XCL1: variants seen among roughly 807,000 people sequenced by gnomAD.
The protein encoded by XCL1 is X-C motif chemokine ligand 1.
In XCL1, 6 loss-of-function variants were observed where a neutral mutation model predicts 7.4. That is an observed-to-expected ratio of 0.82 (90% CI 0.45 to 1.61). The LOEUF (loss-of-function observed/expected upper bound fraction) is 1.61, where lower values mean the gene tolerates loss of function less well. XCL1 is among the 40% of genes most tolerant of loss of function. The pLI, the probability that XCL1 is intolerant of heterozygous loss-of-function variation, is 0.01. For synonymous variants in XCL1, 48 were observed against 52.4 expected, an observed-to-expected ratio of 0.92 and a Z score of 0.36; for missense variants, 122 against 138.2, an observed-to-expected ratio of 0.88 and a Z score of 0.59.
chr1:168,577,958 G>C (rs1655064187), intron 1 of XCL1, among the ~76,000 whole-genome samples: 1 of 152,152 alleles, frequency 6.6e-6, no homozygotes, highest in South Asian at 2.1e-4. Context: ...CTGAGTGAAG[G>C]TGATATTTTA....
rs2101838058 is a variant in XCL1, at chr1:168,581,092, C to CA, written c.219dup (p.Ala74SerfsTer20). On this transcript the variant is annotated frameshift_variant, in exon 3 of 3. Transcript: ENST00000367818. LOFTEE classifies it low-confidence loss of function (END_TRUNC). ...TGGCCTAAAAGTCTGTGCTGATCCA[C>CA]AAGCCACATGGGTGAGAGACGTGGT... 6.2e-7 allele frequency: 1 copy of CA among 1,613,800 alleles called. No homozygotes were observed. Among genetic ancestry groups the CA allele is most frequent in the East Asian group, 2.2e-5 (1 of 44,886 alleles).
intron 1 of XCL1, among the ~76,000 whole-genome samples, chr1:168,577,348 T>A (rs1655047618): frequency 1.3e-5 from 2 of 152,182 alleles, no homozygotes; most frequent in Admixed American, 6.5e-5. Flanking sequence ...ACTATTACTA[T>A]TTATGAGAAA....
chr1:168,581,248 G>A lies in XCL1; in HGVS notation c.*28G>A. The A allele has an allele frequency of 6.2e-7, 1 of 1,609,852 alleles. No homozygotes were observed. Among genetic ancestry groups the A allele is most frequent in the South Asian group, 1.1e-5 (1 of 90,834 alleles). On this transcript the variant is annotated 3_prime_UTR_variant, in exon 3 of 3. Transcript: ENST00000367818. ...GTCTCTGGCACCCTGTCCGTCTCCAGCCAGCCAGCTCATTTCACTTTACAC... is the reference window on the plus strand; with the variant it reads ...GTCTCTGGCACCCTGTCCGTCTCCAACCAGCCAGCTCATTTCACTTTACAC...
rs759397615 is a variant in XCL1, at chr1:168,581,110, G to C, written c.235G>C (p.Asp79His). ...TGATCCACAAGCCACATGGGTGAGAGACGTGGTCAGGAGCATGGACAGGAA... is the reference window on the plus strand; with the variant it reads ...TGATCCACAAGCCACATGGGTGAGACACGTGGTCAGGAGCATGGACAGGAA... Reference protein sequence around the residue: ...CADPQATWVRDVVRSMDRKSN... With the variant: ...CADPQATWVRHVVRSMDRKSN... The change falls in exon 3 of 3, where the codon GAC becomes CAC. Residue 79 changes from aspartate to histidine, a missense_variant. Physicochemically the swap from Asp to His is moderately conservative, Grantham distance 81 (BLOSUM62 -1). Coordinates refer to ENST00000367818, the MANE Select transcript of XCL1 (RefSeq NM_002995.3). 1 of 1,613,744 alleles carries C rather than the reference G, an allele frequency of 6.2e-7. No individual in the cohort carries two copies. Among genetic ancestry groups the C allele is most frequent in the Non-Finnish European group, 8.5e-7 (1 of 1,179,800 alleles).
chr1:168,581,740 A>G lies in XCL1; in HGVS notation c.*520A>G, dbSNP rs1323049210. 6.6e-6 allele frequency: 1 copy of G among 152,220 alleles called. No individual in the cohort carries two copies. The highest frequency in any genetic ancestry group is 1.5e-5 in the Non-Finnish European group (1 of 68,054). The allele number at this position is 152,220 out of a possible 1,614,324, so 9.4% of individuals were successfully genotyped here. A position where few individuals can be genotyped will look rare whatever the true frequency, so the allele number is the denominator to read the frequency against. On this transcript the variant is annotated 3_prime_UTR_variant, in exon 3 of 3. Transcript: ENST00000367818. The stretch of plus-strand genomic sequence containing the variant: ...GGTCCACTACTCAAAAATTTGCTTC[A>G]CTCAATTTTTTTCACCTCTTTGTGT...
In XCL1 at chr1:168,580,105, T is replaced by G; in HGVS notation, c.104T>G (p.Leu35Arg). The stretch of plus-strand genomic sequence containing the variant: ...TCAGATAAGAGGACCTGTGTGAGCC[T>G]CACTACCCAGCGACTGCCGGTTAGC... ...EVSDKRTCVSLTTQRLPVSRI... is the reference protein window; with the variant it reads ...EVSDKRTCVSRTTQRLPVSRI... The change falls in exon 2 of 3, where the codon CTC becomes CGC. Residue 35 changes from leucine to arginine, a missense_variant. Coordinates refer to ENST00000367818, the MANE Select transcript of XCL1 (RefSeq NM_002995.3). The G allele has an allele frequency of 6.2e-7, 1 of 1,613,962 alleles. No individual in the cohort carries two copies. Among genetic ancestry groups the G allele is most frequent in the Non-Finnish European group, 8.5e-7 (1 of 1,179,858 alleles).
At chr1:168,576,842 T>C (rs1364805203) in intron 1 of XCL1, 144 bp downstream of exon 1, 3 of 1,052,290 alleles carry the variant, frequency 2.9e-6, no homozygotes, top group Admixed American at 2.2e-5. Context: ...AAAGGAATGA[T>C]GATTTTGACT....
intron 2 of XCL1, 54 bp downstream of exon 2, chr1:168,580,231 TACACTC>T (rs1486804965): frequency 6.3e-7 from 1 of 1,584,068 alleles, no homozygotes; most frequent in Non-Finnish European, 8.6e-7. Context: ...AGTATAGAAA[TACACTC>T]TGTAGAAATG....
chr1:168,578,725 T>A (rs1305065716), intron 1 of XCL1: 1 of 360,790 alleles, frequency 2.8e-6, no homozygotes, highest in Non-Finnish European at 5.2e-6. Context: ...GATTTTGGAC[T>A]CGGGACATTG....
In XCL1 at chr1:168,580,070, G is replaced by A; in HGVS notation, c.69G>A (p.Gly23=). ...TTTTTTTTTCCTCACCAGGTGTAGG[G>A]AGTGAAGTCTCAGATAAGAGGACCT... ...SLTAYIVEGV[G]SEVSDKRTCV... Residue 23 remains glycine (G), a synonymous_variant, in exon 2 of 3, where the codon GGG becomes GGA. Transcript: ENST00000367818. The A allele has an allele frequency of 1.2e-6, 2 of 1,613,024 alleles. No individual in the cohort carries two copies. The highest frequency in any genetic ancestry group is 1.7e-6 in the Non-Finnish European group (2 of 1,179,372).
chr1:168,578,110 C>T (rs949639483), intron 1 of XCL1, among the ~76,000 whole-genome samples: 14 of 152,036 alleles, frequency 9.2e-5, no homozygotes, highest in Non-Finnish European at 1.8e-4. Flanking sequence ...ATGAGAGAAA[C>T]AGAGAAAAAA....
In XCL1 at chr1:168,581,180, C is replaced by T; in HGVS notation, c.305C>T (p.Thr102Ile). Residue 102 changes from threonine (T) to isoleucine (I), a missense_variant, in exon 3 of 3, where the codon ACC becomes ATC. Coordinates refer to ENST00000367818, the MANE Select transcript of XCL1 (RefSeq NM_002995.3). ...ATGATCCAGACCAAGCCAACAGGAA[C>T]CCAGCAATCGACCAATACAGCTGTG... ...NNMIQTKPTG[T>I]QQSTNTAVTL... 2 of 1,613,792 alleles carry T rather than the reference C, an allele frequency of 1.2e-6. No homozygotes were observed. The highest frequency in any genetic ancestry group is 1.3e-5 in the African/African-American group (1 of 74,986).
Position 168,580,193 on chromosome 1 carries a change from C to T in XCL1, c.176+16C>T. On this transcript the variant is annotated intron_variant, in intron 2 of 2. Transcript: ENST00000367818. ...GAGCAGTAATGTGAGTCTGCCTCCTCAGAAGTTGTGCTGGGTGGGTATCTA... is the reference window on the plus strand; with the variant it reads ...GAGCAGTAATGTGAGTCTGCCTCCTTAGAAGTTGTGCTGGGTGGGTATCTA... 3 of 1,612,564 alleles carry T rather than the reference C, an allele frequency of 1.9e-6. No individual in the cohort carries two copies. The East Asian group carries it at 6.7e-5, about 36-fold the overall frequency.
In XCL1 at chr1:168,581,309, A is replaced by G. The variant is rs911978449; in HGVS notation, c.*89A>G. Reference sequence around the variant, plus strand: ...TGAGTTTATACTCACCTTTTATGAAAGCACTGCATGAATAAAATTATTCCT... The same window carrying G: ...TGAGTTTATACTCACCTTTTATGAAGGCACTGCATGAATAAAATTATTCCT... On this transcript the variant is annotated 3_prime_UTR_variant, in exon 3 of 3. Transcript: ENST00000367818. 19 of 1,482,704 alleles carry G rather than the reference A, an allele frequency of 1.3e-5. No homozygotes were observed. The Middle Eastern group carries it at 5.4e-4, about 42-fold the overall frequency. The allele number at this position is 1,482,704 out of a possible 1,614,324, so 91.8% of individuals were successfully genotyped here. A position where few individuals can be genotyped will look rare whatever the true frequency, so the allele number is the denominator to read the frequency against.
At chr1:168,579,872 A>G (rs1399000230) in intron 1 of XCL1, among the ~76,000 whole-genome samples, 191 bp from the exon 2 acceptor site, 1 of 152,140 alleles carries the variant, frequency 6.6e-6, no homozygotes, top group East Asian at 1.9e-4. Context: ...GAGTTTTTAA[A>G]TTAGTCAAAT....
intron 1 of XCL1, among the ~76,000 whole-genome samples, chr1:168,577,103 T>C (rs1285789345): frequency 2.0e-5 from 3 of 152,180 alleles, no homozygotes; most frequent in Admixed American, 6.5e-5. Flanking sequence ...GGATTAGAGG[T>C]GATGATTATA....
chr1:168,578,509 G>A (rs1655078698), intron 1 of XCL1: 1 of 169,640 alleles, frequency 5.9e-6, no homozygotes, highest in South Asian at 1.6e-4. Context: ...ACACTTAATA[G>A]TTTAATTCCT....
At chr1:168,579,624 T>G (rs1655107211) in intron 1 of XCL1, among the ~76,000 whole-genome samples, 2 of 152,088 alleles carry the variant, frequency 1.3e-5, no homozygotes, top group Admixed American at 6.5e-5. Context: ...TGATCTTTTC[T>G]GTTTGCCTGT....
In XCL1 at chr1:168,581,907, A is replaced by G. The variant is rs1655180973; in HGVS notation, c.*687A>G. ...CTTTGAATTGGACAATAATCTCACT[A>G]CCTTATTAGGATTTCTGTATTTGCC... is the stretch of plus-strand genomic sequence containing the variant. On this transcript the variant is annotated 3_prime_UTR_variant, in exon 3 of 3. Transcript: ENST00000367818. The G allele has an allele frequency of 6.6e-6, 1 of 152,184 alleles. No individual in the cohort carries two copies. The highest frequency in any genetic ancestry group is 2.1e-4 in the South Asian group (1 of 4,834). 9.4% of individuals were successfully genotyped at this position (152,184 alleles called of 1,614,324 possible).
Sources: gnomAD v4.1 joint callset for allele counts (sites outside exome capture counted in the v4.1 genomes callset) on GRCh38, gnomAD v4.1.1 for gene constraint, MANE v1.5 for transcripts, NCBI Gene and HGNC (gene_info 2026-07-23, HGNC 2026-07-21) for gene names.